The following ADGRL3 variants were observed in gnomAD, a reference collection of about 807,000 sequenced individuals.
The protein encoded by ADGRL3 is adhesion G protein-coupled receptor L3.
A neutral mutation model predicts 153.5 loss-of-function variants in ADGRL3; 62 were observed. The ratio of observed to expected loss-of-function variants is 0.40; its 90% CI spans 0.33 to 0.50. ADGRL3 has a LOEUF of 0.50. Ranked by LOEUF, ADGRL3 falls within the 20% of genes least tolerant of loss-of-function variation. ADGRL3 has a pLI of 0.47. For missense variants in ADGRL3, 1,641 were observed against 1,859.4 expected (o/e 0.88, Z 2.16); for synonymous variants, 710 against 672.5 (o/e 1.06, Z -0.86).
At chr4:61,645,140 A>G (rs1385688650) in intron 5 of ADGRL3, among the ~76,000 whole-genome samples, 2 of 151,650 alleles carry the variant, frequency 1.3e-5, no homozygotes, top group Admixed American at 6.6e-5. Context: ...TTTTTTTGGT[A>G]GATCTTCCTC....
rs950557873 is a variant in ADGRL3, at chr4:62,073,591, A to G, written c.*2683A>G. On this transcript the variant is annotated 3_prime_UTR_variant, in exon 27 of 27. Transcript: ENST00000683033. ...AGTAAGAAGCTGGTTTCACAGAAAAATGGGGAAACTACCTCAATTCAGCTT... is the reference window on the plus strand; with the variant it reads ...AGTAAGAAGCTGGTTTCACAGAAAAGTGGGGAAACTACCTCAATTCAGCTT... The G allele has an allele frequency of 9.2e-5, 14 of 152,144 alleles. No homozygotes were observed. The highest frequency in any genetic ancestry group is 4.4e-5 in the Non-Finnish European group (3 of 68,010). The allele number at this position is 152,144 out of a possible 1,614,324, so 9.4% of individuals were successfully genotyped here. A position where few individuals can be genotyped will look rare whatever the true frequency, so the allele number is the denominator to read the frequency against.
chr4:61,588,355 G>A (rs17090512), intron 5 of ADGRL3, among the ~76,000 whole-genome samples: 8,174 of 151,872 alleles, frequency 0.054, 679 homozygotes, highest in African/African-American at 0.18. Flanking sequence ...TTTGTACTTA[G>A]GAAAGCCTTC....
intron 4 of ADGRL3, among the ~76,000 whole-genome samples, chr4:61,535,852 A>G (rs374642354): frequency 2.6e-5 from 4 of 151,766 alleles, no homozygotes; most frequent in South Asian, 2.1e-4. Context: ...CAAATAACCA[A>G]TTTTTTACTT....
At chr4:61,663,172 T>A (rs566654628) in intron 5 of ADGRL3, among the ~76,000 whole-genome samples, 18 of 152,286 alleles carry the variant, frequency 1.2e-4, no homozygotes, top group African/African-American at 4.1e-4. Flanking sequence ...AAGACACTCC[T>A]TGCTCACTAC....
chr4:61,303,329 T>C lies in ADGRL3; in HGVS notation c.-239-79795T>C, dbSNP rs543366508. On this transcript the variant is annotated intron_variant, in intron 1 of 26. Coordinates refer to ENST00000683033, the MANE Select transcript of ADGRL3 (RefSeq NM_001387552.1). ...TTATTCTTCAGTAAATTGGGAATAA[T>C]AACCTTATAGGTTGTAAAGATTGAT... Among the ~76,000 whole-genome samples, 10 of 152,286 alleles carry C rather than the reference T, an allele frequency of 6.6e-5. No individual in the cohort carries two copies. The South Asian group carries it at 1.7e-3, about 25-fold the overall frequency.
intron 5 of ADGRL3, among the ~76,000 whole-genome samples, chr4:61,624,039 T>G (rs1478287675): frequency 6.6e-6 from 1 of 152,124 alleles, no homozygotes; most frequent in Admixed American, 6.5e-5. Context: ...TGCTAGAGAT[T>G]CGGGCAAGTT....
At chr4:61,696,341 C>G (rs774319796) in intron 6 of ADGRL3, among the ~76,000 whole-genome samples, 3 of 152,132 alleles carry the variant, frequency 2.0e-5, no homozygotes, top group Non-Finnish European at 4.4e-5. Context: ...TGCCCAGGAA[C>G]TGGTAAGTTA....
chr4:61,903,672 A>AAAAAAAAAAAAG, intron 11 of ADGRL3, among the ~76,000 whole-genome samples: 1 of 150,672 alleles, frequency 6.6e-6, no homozygotes, highest in Non-Finnish European at 1.5e-5. Context: ...AAAAAAAAAA[A>AAAAAAAAAAAAG]AAAAAAAAAA....
At chr4:61,410,816 A>G (rs921621937) in intron 2 of ADGRL3, among the ~76,000 whole-genome samples, 3 of 152,188 alleles carry the variant, frequency 2.0e-5, no homozygotes, top group African/African-American at 2.4e-5. Context: ...AAACTCAGAC[A>G]TCCTGTCTGG....
chr4:61,760,239 A>G (rs1020438894), intron 8 of ADGRL3, among the ~76,000 whole-genome samples: 1 of 152,120 alleles, frequency 6.6e-6, no homozygotes, highest in African/African-American at 2.4e-5. Context: ...TTGTTTGGCT[A>G]TTCCCTGCCC....
intron 8 of ADGRL3, among the ~76,000 whole-genome samples, chr4:61,754,736 C>G (rs75668806): frequency 0.087 from 13,175 of 152,040 alleles, 1,208 homozygotes; most frequent in African/African-American, 0.23. Flanking sequence ...CTCATTTAAC[C>G]TTAGGTATAT....
intron 11 of ADGRL3, among the ~76,000 whole-genome samples, chr4:61,903,083 G>A (rs1168123010): frequency 1.3e-5 from 2 of 152,174 alleles, no homozygotes; most frequent in Non-Finnish European, 2.9e-5. Flanking sequence ...ACATGGATAT[G>A]CAGGTAGCAA....
chr4:61,581,779 G>T (rs1579661017), intron 4 of ADGRL3, among the ~76,000 whole-genome samples: 2 of 152,032 alleles, frequency 1.3e-5, no homozygotes, highest in Admixed American at 1.3e-4. Context: ...TGTCAGAAAC[G>T]TGGCAGCCAT....
chr4:61,505,354 TC>T (rs1257345728), intron 3 of ADGRL3, among the ~76,000 whole-genome samples: 5 of 152,162 alleles, frequency 3.3e-5, no homozygotes, highest in African/African-American at 1.2e-4. Context: ...AAATATTTTC[TC>T]CCATTCTTGT....
intron 1 of ADGRL3, among the ~76,000 whole-genome samples, chr4:61,244,880 T>A (rs1242357249): frequency 4.1e-5 from 1 of 24,570 alleles, no homozygotes; most frequent in African/African-American, 1.2e-4. Flanking sequence ...TTTCTACCAC[T>A]CATCTTTGCT....
chr4:61,210,742 T>G (rs1739604204), intron 1 of ADGRL3, among the ~76,000 whole-genome samples: 2 of 152,320 alleles, frequency 1.3e-5, no homozygotes, highest in South Asian at 4.1e-4. Flanking sequence ...ATGGTTGTTG[T>G]TTGAACCTTG....
At chr4:61,674,354 G>A (rs948700330) in intron 5 of ADGRL3, among the ~76,000 whole-genome samples, 2 of 151,572 alleles carry the variant, frequency 1.3e-5, no homozygotes, top group African/African-American at 2.4e-5. Flanking sequence ...AAGCTGATCT[G>A]TTTATATCGT....
chr4:61,528,172 G>C (rs1033834370), intron 4 of ADGRL3, among the ~76,000 whole-genome samples: 1 of 152,090 alleles, frequency 6.6e-6, no homozygotes, highest in Non-Finnish European at 1.5e-5. Flanking sequence ...ATAACTCATA[G>C]GATTGTTGTG....
chr4:61,882,502 A>G (rs986591648), intron 9 of ADGRL3, among the ~76,000 whole-genome samples: 4 of 152,154 alleles, frequency 2.6e-5, no homozygotes, highest in African/African-American at 9.7e-5. Flanking sequence ...ATTAAGTGAA[A>G]GTTGTATGAC....
Sources: gnomAD v4.1 joint callset for allele counts (sites outside exome capture counted in the v4.1 genomes callset) on GRCh38, gnomAD v4.1.1 for gene constraint, MANE v1.5 for transcripts, NCBI Gene and HGNC (gene_info 2026-07-23, HGNC 2026-07-21) for gene names.